RPGRIP1: variants seen among roughly 807,000 people sequenced by gnomAD.
RPGRIP1 encodes the protein RPGR interacting protein 1, also known as X-linked retinitis pigmentosa GTPase regulator-interacting protein 1.
RPGRIP1 carries 128 observed loss-of-function variants against 157.9 expected under a neutral mutation model. That is an observed-to-expected ratio of 0.81 (90% CI 0.70 to 0.94). The LOEUF is 0.94. RPGRIP1 is among the 40% of genes least tolerant of loss of function. The pLI, the probability that RPGRIP1 is intolerant of heterozygous loss-of-function variation, is 0.00. For missense variants in RPGRIP1, 1,486 were observed against 1,545.8 expected (o/e 0.96, Z 0.65); for synonymous variants, 554 against 571.6 (o/e 0.97, Z 0.44).
intron 20 of RPGRIP1, among the ~76,000 whole-genome samples, chr14:21,332,154 G>A (rs1301827136): frequency 2.0e-5 from 3 of 152,002 alleles, no homozygotes; most frequent in African/African-American, 7.2e-5. Context: ...GTCCAGGCTG[G>A]TCTCGAACTC....
At chr14:21,322,031 A>T in intron 14 of RPGRIP1, 27 bp downstream of exon 14, 1 of 1,595,890 alleles carries the variant, frequency 6.3e-7, no homozygotes, top group Non-Finnish European at 8.5e-7. Flanking sequence ...TGTTCTCCTC[A>T]CTTCGGGACC....
intron 18 of RPGRIP1, 42 bp downstream of exon 18, chr14:21,327,849 C>T: frequency 6.9e-7 from 1 of 1,438,862 alleles, no homozygotes; most frequent in African/African-American, 1.4e-5. Flanking sequence ...CTCTGCCAAT[C>T]CTATGGAGCA....
At chr14:21,311,062 A>C in intron 8 of RPGRIP1, 1 of 418,164 alleles carries the variant, frequency 2.4e-6, no homozygotes, top group Non-Finnish European at 4.8e-6. Flanking sequence ...ACAGAGTTCC[A>C]AACGAGACCA....
At chr14:21,301,726 A>AAT (rs1881046113) in intron 4 of RPGRIP1, among the ~76,000 whole-genome samples, 4 of 37,780 alleles carry the variant, frequency 1.1e-4, no homozygotes, top group East Asian at 1.4e-3. Flanking sequence ...TAATAATAAA[A>AAT]AATTAGCCAA....
rs563200213 is a variant in RPGRIP1, at chr14:21,346,320, C to T, written c.3617+1123C>T. Among the ~76,000 whole-genome samples, 35 of 152,134 alleles carry T rather than the reference C, an allele frequency of 2.3e-4. 1 individual carries two copies. In the East Asian group the frequency reaches 6.6e-3, roughly 29 times the overall value. The stretch of plus-strand genomic sequence containing the variant: ...ATCCCAGCACTTTGGGAGGCTGAGG[C>T]GGGCAGATCACTTGAGGCCAGGAGT... On this transcript the variant is annotated intron_variant, in intron 23 of 24. Coordinates refer to ENST00000400017, the MANE Select transcript of RPGRIP1 (RefSeq NM_020366.4).
chr14:21,318,530 C>T (rs1882036721), intron 11 of RPGRIP1, among the ~76,000 whole-genome samples: 1 of 152,164 alleles, frequency 6.6e-6, no homozygotes, highest in African/African-American at 2.4e-5. Flanking sequence ...GGCTGGAGTA[C>T]AGTGATGCGA....
chr14:21,325,730 T>A lies in RPGRIP1; in HGVS notation c.2368-101T>A, dbSNP rs1475082871. 5 of 864,172 alleles carry A rather than the reference T, an allele frequency of 5.8e-6. No homozygotes were observed. The East Asian group carries it at 1.3e-4, about 23-fold the overall frequency. 53.5% of individuals were successfully genotyped at this position (864,172 alleles called of 1,614,324 possible). On this transcript the variant is annotated intron_variant, in intron 16 of 24. Transcript: ENST00000400017. ...TTCTTCCTGATCCAGTTGGGATAGC[T>A]GTTCTCTAGATCATAGCTCTTCCTC...
At chr14:21,282,274 G>A (rs1880159436) in intron 1 of RPGRIP1, among the ~76,000 whole-genome samples, 1 of 151,526 alleles carries the variant, frequency 6.6e-6, no homozygotes, top group Non-Finnish European at 1.5e-5. Flanking sequence ...GTCTTGCTCT[G>A]TCACCCGGCT....
intron 16 of RPGRIP1, 121 bp from the exon 17 acceptor site, chr14:21,325,709 TC>T (rs1158429876): frequency 1.3e-6 from 1 of 776,190 alleles, no homozygotes; most frequent in Non-Finnish European, 2.1e-6. Flanking sequence ...TTAGGTTTCT[TC>T]CTGATCCAGT....
Position 21,322,011 on chromosome 14 carries a change from C to G in RPGRIP1, c.1762+7C>G, listed in dbSNP as rs1244184303. ...CATGACCTTCCAACATCTGGCAAGT[C>G]TTAGTCCTTTGTTCTCCTCACTTCG... is the stretch of plus-strand genomic sequence containing the variant. On this transcript the variant is annotated splice_region_variant and intron_variant, in intron 14 of 24. Coordinates refer to ENST00000400017, the MANE Select transcript of RPGRIP1 (RefSeq NM_020366.4). 6.2e-7 allele frequency: 1 copy of G among 1,610,030 alleles called. No individual in the cohort carries two copies. The highest frequency in any genetic ancestry group is 1.3e-5 in the African/African-American group (1 of 74,666).
At chr14:21,344,506 A>G (rs1403029286) in intron 22 of RPGRIP1, among the ~76,000 whole-genome samples, 1 of 152,108 alleles carries the variant, frequency 6.6e-6, no homozygotes, top group Non-Finnish European at 1.5e-5. Flanking sequence ...TTATCCTCTA[A>G]TTTATTTTCT....
intron 17 of RPGRIP1, 51 bp downstream of exon 17, chr14:21,326,224 C>T (rs1883090727): frequency 7.4e-6 from 9 of 1,222,974 alleles, no homozygotes; most frequent in Non-Finnish European, 1.0e-5. Context: ...AGTGTTGTCT[C>T]CCTGTCCTGA....
In RPGRIP1 at chr14:21,287,933, T is replaced by C. The variant is rs1419209536; in HGVS notation, c.-38-6T>C. Reference sequence around the variant, plus strand: ...TGTAACTGACTGGACTTTTCCTTTATTTCAGTGTCCTCTGGGATCTCTTAC... The same window carrying C: ...TGTAACTGACTGGACTTTTCCTTTACTTCAGTGTCCTCTGGGATCTCTTAC... On this transcript the variant is annotated splice_region_variant and splice_polypyrimidine_tract_variant and intron_variant, in intron 1 of 24. Coordinates refer to ENST00000400017, the MANE Select transcript of RPGRIP1 (RefSeq NM_020366.4). 7.3e-7 allele frequency: 1 copy of C among 1,363,002 alleles called. No homozygotes were observed. The highest frequency in any genetic ancestry group is 2.3e-5 in the East Asian group (1 of 43,352). The allele number at this position is 1,363,002 out of a possible 1,614,324, so 84.4% of individuals were successfully genotyped here. A position where few individuals can be genotyped will look rare whatever the true frequency, so the allele number is the denominator to read the frequency against.
chr14:21,343,832 T>G (rs995016054), intron 22 of RPGRIP1, among the ~76,000 whole-genome samples: 1 of 150,628 alleles, frequency 6.6e-6, no homozygotes, highest in Non-Finnish European at 1.5e-5. Context: ...CCATCATATT[T>G]CTGAGTATTG....
At chr14:21,346,814 G>C (rs897753400) in intron 23 of RPGRIP1, among the ~76,000 whole-genome samples, 1 of 152,168 alleles carries the variant, frequency 6.6e-6, no homozygotes, top group Non-Finnish European at 1.5e-5. Flanking sequence ...GGGATTATAG[G>C]CATGAGCCAC....
At chr14:21,302,450 C>T in intron 4 of RPGRIP1, 38 bp from the exon 5 acceptor site, 2 of 1,217,874 alleles carry the variant, frequency 1.6e-6, no homozygotes, top group Non-Finnish European at 2.3e-6. Flanking sequence ...CCGGAGGGTA[C>T]TGTTGCCCGA....
intron 11 of RPGRIP1, among the ~76,000 whole-genome samples, chr14:21,318,613 T>C (rs970481169): frequency 5.9e-5 from 9 of 151,996 alleles, no homozygotes; most frequent in African/African-American, 2.2e-4. Flanking sequence ...GTTGCTGGGA[T>C]TGCAGGTGCC....
At chr14:21,339,026 C>T (rs1366814114) in intron 21 of RPGRIP1, among the ~76,000 whole-genome samples, 1 of 152,110 alleles carries the variant, frequency 6.6e-6, no homozygotes, top group African/African-American at 2.4e-5. Context: ...ATCCCAGCTA[C>T]TCAGGAGGTT....
intron 7 of RPGRIP1, among the ~76,000 whole-genome samples, chr14:21,308,312 A>G (rs1214324083): frequency 6.6e-6 from 1 of 152,228 alleles, no homozygotes; most frequent in Non-Finnish European, 1.5e-5. Context: ...ATTAGAAACT[A>G]ACATCTGATT....
Sources: allele counts gnomAD v4.1 joint callset (sites outside exome capture counted in the v4.1 genomes callset), GRCh38; gene constraint gnomAD v4.1.1; transcripts MANE v1.5; gene names NCBI Gene and HGNC (gene_info 2026-07-23, HGNC 2026-07-21).